Variants in POMGNT2 observed in about 807,000 individuals in gnomAD.
POMGNT2 encodes protein O-linked mannose N-acetylglucosaminyltransferase 2 (beta 1,4-).
Under a neutral mutation model 37.8 loss-of-function variants are expected in POMGNT2, and 32 were observed. That is an observed-to-expected ratio of 0.85 (90% confidence interval 0.64 to 1.14). POMGNT2 has a LOEUF of 1.14. Ranked by LOEUF, POMGNT2 falls within the 50% of genes most tolerant of loss-of-function variation. The pLI, the probability that POMGNT2 is intolerant of heterozygous loss-of-function variation, is 0.00. For missense variants in POMGNT2, 705 were observed against 780.6 expected, an observed-to-expected ratio of 0.90 and a Z score of 1.15; for synonymous variants, 340 against 336.8, an observed-to-expected ratio of 1.01 and a Z score of -0.10.
chr3:43,087,387 T>A (rs757008651), intron 1 of POMGNT2: 4 of 152,214 alleles, frequency 2.6e-5, no homozygotes, highest in African/African-American at 4.8e-5. Context: ...GAGAAGCAAT[T>A]TGCCCAATGT....
chr3:43,099,063 C>A (rs75772258), intron 1 of POMGNT2, among the ~76,000 whole-genome samples: 1,593 of 152,154 alleles, frequency 0.01, 25 homozygotes, highest in African/African-American at 0.037. Context: ...ACGGTGGGAA[C>A]CTCTGTTGTG....
At chr3:43,096,436 A>G (rs2089980492) in intron 1 of POMGNT2, among the ~76,000 whole-genome samples, 2 of 152,192 alleles carry the variant, frequency 1.3e-5, no homozygotes. Flanking sequence ...AGAGGCTAAC[A>G]CTATTTCTAT....
intron 1 of POMGNT2, among the ~76,000 whole-genome samples, chr3:43,105,137 T>C (rs1343250691): frequency 2.0e-5 from 3 of 152,232 alleles, no homozygotes; most frequent in Non-Finnish European, 4.4e-5. Flanking sequence ...CTGGTCGCCC[T>C]GCACCTGGTG....
intron 1 of POMGNT2, among the ~76,000 whole-genome samples, chr3:43,082,643 A>G (rs2089865948): frequency 6.6e-6 from 1 of 152,230 alleles, no homozygotes; most frequent in African/African-American, 2.4e-5. Context: ...TTTGTGACAC[A>G]GGAGCAGCAC....
In POMGNT2 at chr3:43,080,478, T is replaced by C. The variant is rs1329271171; in HGVS notation, c.954A>G (p.Thr318=). 1 of 1,614,194 alleles carries C rather than the reference T, an allele frequency of 6.2e-7. No individual in the cohort carries two copies. Among genetic ancestry groups the C allele is most frequent in the South Asian group, 1.1e-5 (1 of 91,092 alleles). Residue 318 remains threonine (T), a synonymous_variant, in exon 2 of 2, where the codon ACA becomes ACG. Coordinates refer to ENST00000344697, the MANE Select transcript of POMGNT2 (RefSeq NM_032806.6). ...TGTGGTCCTCCAGGGACACTGTCAC[T>C]GTCTTCATCTGGAACTCCTGGGCCA... ...LALAQEFQMK[T]VTVSLEDHTF...
rs1366789798 is a variant in POMGNT2 at position 43,081,479 on chromosome 3, A to G, written c.-48T>C. The G allele has an allele frequency of 7.0e-7, 1 of 1,435,204 alleles. No individual in the cohort carries two copies. The highest frequency in any genetic ancestry group is 1.4e-5 in the South Asian group (1 of 69,984). 88.9% of individuals were successfully genotyped at this position (1,435,204 alleles called of 1,614,324 possible). ...AATGAGATGACGGCCACTGGGAAGC[A>G]CCACAGGCCAGGCAGGCTTCACCCA... On this transcript the variant is annotated 5_prime_UTR_variant, in exon 2 of 2. Transcript: ENST00000344697.
intron 1 of POMGNT2, among the ~76,000 whole-genome samples, chr3:43,087,087 C>G (rs2089903345): frequency 6.6e-6 from 1 of 152,130 alleles, no homozygotes; most frequent in Non-Finnish European, 1.5e-5. Context: ...GCCCGGATGA[C>G]CAAAACCATT....
At chr3:43,086,337 A>C (rs1245631412) in intron 1 of POMGNT2, among the ~76,000 whole-genome samples, 1 of 152,248 alleles carries the variant, frequency 6.6e-6, no homozygotes, top group Non-Finnish European at 1.5e-5. Flanking sequence ...ATCTTGAGTC[A>C]GGAAGATGAG....
chr3:43,081,219 G>GC lies in POMGNT2; in HGVS notation c.212dup (p.Arg72ProfsTer20), dbSNP rs907030281. On this transcript the variant is annotated frameshift_variant, in exon 2 of 2. Coordinates refer to ENST00000344697, the MANE Select transcript of POMGNT2 (RefSeq NM_032806.6). LOFTEE classifies it high-confidence loss of function. ...GGCAGATGCGGTCTGTGTGCGTGCG[G>GC]CCCGTGCACACCATGTGTGTGCCGC... 2 of 1,613,896 alleles carry GC rather than the reference G, an allele frequency of 1.2e-6. No individual in the cohort carries two copies. The highest frequency in any genetic ancestry group is 1.7e-6 in the Non-Finnish European group (2 of 1,180,046).
Position 43,079,900 on chromosome 3 carries a change from T to C in POMGNT2, c.1532A>G (p.Asn511Ser). ...CTCCCTCACCTTCAGGTATTTAAGGTTCCATGGGATCTGCCAGGAGACAGT... is the reference window on the plus strand; with the variant it reads ...CTCCCTCACCTTCAGGTATTTAAGGCTCCATGGGATCTGCCAGGAGACAGT... ...RLTVSWQIPW[N>S]LKYLKVREVK... Residue 511 changes from asparagine (N) to serine (S), a missense_variant, in exon 2 of 2, where the codon AAC (asparagine) becomes AGC (serine). Transcript: ENST00000344697. 1 of 1,614,130 alleles carries C rather than the reference T, an allele frequency of 6.2e-7. No homozygotes were observed.
chr3:43,081,211 T>C lies in POMGNT2; in HGVS notation c.221A>G (p.His74Arg), dbSNP rs908922296. ...CTTGAAGCGGCAGATGCGGTCTGTGTGCGTGCGGCCCGTGCACACCATGTG... is the reference window on the plus strand; with the variant it reads ...CTTGAAGCGGCAGATGCGGTCTGTGCGCGTGCGGCCCGTGCACACCATGTG... ...GTHMVCTGRT[H>R]TDRICRFKWL... The change falls in exon 2 of 2, where the codon CAC becomes CGC. Residue 74 changes from histidine (H) to arginine (R), a missense_variant. Coordinates refer to ENST00000344697, the MANE Select transcript of POMGNT2 (RefSeq NM_032806.6). The C allele has an allele frequency of 1.2e-6, 2 of 1,614,106 alleles. No homozygotes were observed. Among genetic ancestry groups the C allele is most frequent in the South Asian group, 1.1e-5 (1 of 91,084 alleles).
rs554672835 is a variant in POMGNT2, at chr3:43,091,111, G to A, written c.-105-9575C>T. Among the ~76,000 whole-genome samples, 11 of 152,308 alleles carry A rather than the reference G, an allele frequency of 7.2e-5. No individual in the cohort carries two copies. The South Asian group carries it at 1.9e-3, about 26-fold the overall frequency. On this transcript the variant is annotated intron_variant, in intron 1 of 1. Coordinates refer to ENST00000344697, the MANE Select transcript of POMGNT2 (RefSeq NM_032806.6). ...GCCTGGAAGCAATGACAGTGCAGTA[G>A]CAATCAGTATACCCAGCACCCAGAT...
intron 1 of POMGNT2, among the ~76,000 whole-genome samples, chr3:43,100,365 A>G (rs922183395): frequency 6.6e-6 from 1 of 152,244 alleles, no homozygotes; most frequent in Non-Finnish European, 1.5e-5. Flanking sequence ...TAAAGTATAC[A>G]GGAGGATTGT....
Position 43,080,602 on chromosome 3 carries a change from A to G in POMGNT2, c.830T>C (p.Val277Ala), listed in dbSNP as rs765016922. Residue 277 changes from valine to alanine, a missense_variant, in exon 2 of 2, where the codon GTG becomes GCG. Val to Ala is a moderately conservative substitution (Grantham distance 64). Coordinates refer to ENST00000344697, the MANE Select transcript of POMGNT2 (RefSeq NM_032806.6). The stretch of plus-strand genomic sequence containing the variant: ...GCCTAGGGGGACTCCTGTGTGGCTC[A>G]CGTTCAGCTTTTCTGTCATGAACCG... ...FARFMTEKLN[V>A]SHTGVPLGEE... is the part of the protein sequence containing the mutation. 6.2e-7 allele frequency: 1 copy of G among 1,614,200 alleles called. No homozygotes were observed. The highest frequency in any genetic ancestry group is 2.2e-5 in the East Asian group (1 of 44,886).
chr3:43,089,110 ACAAT>A (rs1228357226), intron 1 of POMGNT2, among the ~76,000 whole-genome samples: 1 of 152,164 alleles, frequency 6.6e-6, no homozygotes, highest in Non-Finnish European at 1.5e-5. Flanking sequence ...AGACATGAAA[ACAAT>A]CAAATAGAGG....
intron 1 of POMGNT2, among the ~76,000 whole-genome samples, chr3:43,103,362 TC>T (rs2090033305): frequency 6.6e-6 from 1 of 151,890 alleles, no homozygotes; most frequent in South Asian, 2.1e-4. Context: ...CCAGAACATT[TC>T]CCAGGAGCTA....
At chr3:43,083,298 C>T (rs975438399) in intron 1 of POMGNT2, among the ~76,000 whole-genome samples, 1 of 152,162 alleles carries the variant, frequency 6.6e-6, no homozygotes, top group Non-Finnish European at 1.5e-5. Flanking sequence ...ACCTACTCAC[C>T]AGGTTGGCAA....
rs114334047 is a variant in POMGNT2, at chr3:43,098,021, G to C, written c.-106+7815C>G. 0.015 allele frequency among the ~76,000 whole-genome samples: 2,220 copies of C among 152,302 alleles called. 56 individuals are homozygous for C. The highest frequency in any genetic ancestry group is 0.051 in the African/African-American group (2,106 of 41,538). On this transcript the variant is annotated intron_variant, in intron 1 of 1. Coordinates refer to ENST00000344697, the MANE Select transcript of POMGNT2 (RefSeq NM_032806.6). This position sits in a 1 kb window ranked among gnomAD's most constrained non-coding sequence, Gnocchi z 4.3. ...CCACAAGAAGGGTTACAGAGGTGGA[G>C]GGACCAGACAGCCAGCACCTGCCAG... is the stretch of plus-strand genomic sequence containing the variant.
Position 43,080,318 on chromosome 3 carries a change from C to A in POMGNT2, c.1114G>T (p.Asp372Tyr). The change falls in exon 2 of 2, where the codon GAC becomes TAC. Residue 372 changes from aspartate to tyrosine, a missense_variant. Physicochemically the swap from Asp to Tyr is radical, Grantham distance 160 (BLOSUM62 -3). Transcript: ENST00000344697. Reference protein sequence around the residue: ...VELFPYAVNPDHYTPYKTLAM... With the variant: ...VELFPYAVNPYHYTPYKTLAM... ...AGCGTCTTATAGGGAGTGTAGTGGTCGGGATTGACAGCATATGGGAAGAGC... is the reference window on the plus strand; with the variant it reads ...AGCGTCTTATAGGGAGTGTAGTGGTAGGGATTGACAGCATATGGGAAGAGC... 6.2e-7 allele frequency: 1 copy of A among 1,614,104 alleles called. No homozygotes were observed. Among genetic ancestry groups the A allele is most frequent in the South Asian group, 1.1e-5 (1 of 91,048 alleles).
Sources: gnomAD v4.1 joint callset for allele counts (sites outside exome capture counted in the v4.1 genomes callset) on GRCh38, gnomAD v4.1.1 for gene constraint, Gnocchi (gnomAD v3.1) non-coding constraint, MANE v1.5 for transcripts, NCBI Gene and HGNC (gene_info 2026-07-23, HGNC 2026-07-21) for gene names.